Variants in NMT2 observed in about 807,000 individuals in gnomAD.
NMT2 encodes the protein glycylpeptide N-tetradecanoyltransferase 2.
In NMT2, 35 loss-of-function variants were observed where a neutral mutation model predicts 65.4. The ratio of observed to expected loss-of-function variants is 0.54; its 90% confidence interval spans 0.41 to 0.71. The LOEUF (loss-of-function observed/expected upper bound fraction) is 0.71, where lower values mean the gene tolerates loss of function less well. Among genes scored for constraint, NMT2 ranks in the 30% least tolerant of loss-of-function variants. The pLI is 0.00. For missense variants in NMT2, 489 were observed against 611.3 expected (o/e 0.80, Z 2.11); for synonymous variants, 226 against 231.8 (o/e 0.98, Z 0.23).
At chr10:15,141,363 C>T (rs927540953) in intron 2 of NMT2, 59 bp downstream of exon 2, 46 of 1,603,218 alleles carry the variant, frequency 2.9e-5, no homozygotes, top group East Asian at 2.2e-5. Flanking sequence ...CGCTAAACTG[C>T]GTAAACCCAC....
chr10:15,115,798 C>T (rs979040501), intron 9 of NMT2, among the ~76,000 whole-genome samples: 1 of 151,998 alleles, frequency 6.6e-6, no homozygotes, highest in African/African-American at 2.4e-5. Flanking sequence ...CAGTAATATA[C>T]AATAAAGTAT....
rs115148631 is a variant in NMT2, at chr10:15,119,964, C to T, written c.1000-451G>A. On this transcript the variant is annotated intron_variant, in intron 8 of 11. Transcript: ENST00000378165. Reference sequence around the variant, plus strand: ...GACTTCTGGAGTACAGGCAGCCCTCCGTATCCACTGGTTGTGCATCTGTGG... The same window carrying T: ...GACTTCTGGAGTACAGGCAGCCCTCTGTATCCACTGGTTGTGCATCTGTGG... Among the ~76,000 whole-genome samples, 1,065 of 152,258 alleles carry T rather than the reference C, an allele frequency of 7.0e-3. 16 individuals are homozygous for T. Among genetic ancestry groups the T allele is most frequent in the African/African-American group, 0.025 (1,018 of 41,538 alleles).
intron 3 of NMT2, 133 bp downstream of exon 3, chr10:15,135,141 C>T: frequency 5.4e-6 from 5 of 921,798 alleles, no homozygotes; most frequent in Non-Finnish European, 6.8e-6. Context: ...CATAGATTTC[C>T]AATCTGTGGT....
chr10:15,162,558 G>T (rs969942107), intron 1 of NMT2, among the ~76,000 whole-genome samples: 2 of 151,742 alleles, frequency 1.3e-5, no homozygotes, highest in African/African-American at 4.8e-5. Context: ...ACCCCAGAAA[G>T]TTCCAGCACA....
intron 1 of NMT2, among the ~76,000 whole-genome samples, chr10:15,158,523 A>G (rs1308051749): frequency 6.6e-6 from 1 of 152,208 alleles, no homozygotes; most frequent in African/African-American, 2.4e-5. Context: ...GTCAATGGGA[A>G]TTAAGAGCTA....
At chr10:15,140,866 C>G (rs150411661) in intron 2 of NMT2, 9 of 918,008 alleles carry the variant, frequency 9.8e-6, no homozygotes, top group East Asian at 2.6e-5. Context: ...CGGGGCCCAG[C>G]TGGACAACTT....
intron 8 of NMT2, among the ~76,000 whole-genome samples, chr10:15,125,117 C>G (rs1846034945): frequency 6.6e-6 from 1 of 152,170 alleles, no homozygotes; most frequent in South Asian, 2.1e-4. Context: ...CGCCTAAGTG[C>G]CAACTGTCAC....
intron 1 of NMT2, among the ~76,000 whole-genome samples, chr10:15,157,435 G>A (rs1833041297): frequency 6.6e-6 from 1 of 152,178 alleles, no homozygotes; most frequent in Non-Finnish European, 1.5e-5. Context: ...CTTTCACCCA[G>A]GAGATGAAAA....
chr10:15,113,486 A>AAAAG (rs1564558941), intron 9 of NMT2, among the ~76,000 whole-genome samples: 56 of 148,914 alleles, frequency 3.8e-4, no homozygotes, highest in African/African-American at 1.3e-3. Flanking sequence ...AAAAAAAAAA[A>AAAAG]AAAGAAAGAA....
intron 1 of NMT2, among the ~76,000 whole-genome samples, chr10:15,151,162 A>G (rs766889854): frequency 2.0e-5 from 3 of 150,970 alleles, no homozygotes; most frequent in Non-Finnish European, 2.9e-5. Context: ...GGGTTCAGGC[A>G]ATTCTCCTGC....
chr10:15,109,257 T>G (rs1048496681), intron 11 of NMT2, 42 bp from the exon 12 acceptor site: 14 of 1,602,290 alleles, frequency 8.7e-6, no homozygotes, highest in Non-Finnish European at 1.1e-5. Flanking sequence ...AAAATTAGAT[T>G]GCAATGTAGT....
At chr10:15,153,816 A>ATT (rs368089996) in intron 1 of NMT2, among the ~76,000 whole-genome samples, 1 of 148,562 alleles carries the variant, frequency 6.7e-6, no homozygotes. Flanking sequence ...CGCCCGGCTA[A>ATT]TTTTTTTTTT....
At chr10:15,131,963 TC>T (rs1846301886) in intron 6 of NMT2, among the ~76,000 whole-genome samples, 1 of 152,136 alleles carries the variant, frequency 6.6e-6, no homozygotes, top group African/African-American at 2.4e-5. Context: ...CCTCCTGGGT[TC>T]AAGTGATTCT....
At position 15,164,043 on chromosome 10, in the gene NMT2, G is replaced by A. The variant is rs1454066382; in HGVS notation, c.110+4460C>T. 3.3e-5 allele frequency among the ~76,000 whole-genome samples: 5 copies of A among 152,098 alleles called. No individual in the cohort carries two copies. The South Asian group carries it at 6.2e-4, about 19-fold the overall frequency. The stretch of plus-strand genomic sequence containing the variant: ...AAATACAAAAAAATTAGCCAGGCGT[G>A]GTGGCGGGCGCCTACTGTAGTCCCA... On this transcript the variant is annotated intron_variant, in intron 1 of 11. Transcript: ENST00000378165.
chr10:15,132,971 T>C, intron 5 of NMT2, 38 bp from the exon 6 acceptor site: 2 of 1,600,968 alleles, frequency 1.2e-6, no homozygotes, highest in Non-Finnish European at 1.7e-6. Context: ...GCACCAGTTA[T>C]TGTCCAAGAA....
chr10:15,162,929 A>C (rs913922927), intron 1 of NMT2, among the ~76,000 whole-genome samples: 1 of 149,874 alleles, frequency 6.7e-6, no homozygotes, highest in Non-Finnish European at 1.5e-5. Context: ...TAAGAGAGAG[A>C]TATATATATA....
chr10:15,150,651 TC>T (rs1406890117), intron 1 of NMT2, among the ~76,000 whole-genome samples: 1 of 152,044 alleles, frequency 6.6e-6, no homozygotes, highest in East Asian at 1.9e-4. Flanking sequence ...CTCAGAGCCG[TC>T]CCAAAAGTGT....
intron 1 of NMT2, chr10:15,154,861 A>AGC: frequency 1.3e-6 from 1 of 788,680 alleles, no homozygotes; most frequent in Non-Finnish European, 2.2e-6. Flanking sequence ...TTGGACCCAT[A>AGC]GCGCTTCATG....
chr10:15,150,676 G>C (rs1832771859), intron 1 of NMT2, among the ~76,000 whole-genome samples: 1 of 152,040 alleles, frequency 6.6e-6, no homozygotes, highest in African/African-American at 2.4e-5. Flanking sequence ...GCCAGTGAGG[G>C]ACAAAGATCA....
Sources: gnomAD v4.1 joint callset for allele counts (sites outside exome capture counted in the v4.1 genomes callset) on GRCh38, gnomAD v4.1.1 for gene constraint, MANE v1.5 for transcripts, NCBI Gene and HGNC (gene_info 2026-07-23, HGNC 2026-07-21) for gene names.